Variants in ZPBP observed in about 807,000 individuals in gnomAD.
The protein encoded by ZPBP is zona pellucida-binding protein 1.
Under a neutral mutation model 44.8 loss-of-function variants are expected in ZPBP, and 26 were observed. That is an observed-to-expected ratio of 0.58 (90% CI 0.43 to 0.81). The LOEUF (loss-of-function observed/expected upper bound fraction) is 0.81, where lower values mean the gene tolerates loss of function less well. Ranked by LOEUF, ZPBP falls within the 30% of genes least tolerant of loss-of-function variation. ZPBP has a pLI of 0.00. For synonymous variants in ZPBP, 174 were observed against 153.2 expected (o/e 1.14, Z -1.00); for missense variants, 409 against 434.0 (o/e 0.94, Z 0.51).
chr7:49,954,361 T>C (rs1432463576), intron 7 of ZPBP, among the ~76,000 whole-genome samples: 1 of 152,092 alleles, frequency 6.6e-6, no homozygotes, highest in Non-Finnish European at 1.5e-5. Context: ...AAACATAAGG[T>C]TAAATCTTCA....
At chr7:49,845,118 G>T in the ZPBP span, among the ~76,000 whole-genome samples, 1 of 152,220 alleles carries the variant, frequency 6.6e-6, no homozygotes, top group South Asian at 2.1e-4. Context: ...CAACACACAC[G>T]GGGCCTGTCA....
intron 7 of ZPBP, among the ~76,000 whole-genome samples, chr7:49,977,720 C>T (rs1315255986): frequency 6.6e-6 from 1 of 152,134 alleles, no homozygotes; most frequent in Admixed American, 6.5e-5. Context: ...TATTGAGCTA[C>T]ACATTTAATC....
At chr7:49,853,130 C>T (rs541511910) in intron 2 of ZPBP, among the ~76,000 whole-genome samples, 14 of 152,352 alleles carry the variant, frequency 9.2e-5, no homozygotes, top group African/African-American at 3.4e-4. Context: ...GGCAGGGCTG[C>T]GGGCTCTGAA....
intron 6 of ZPBP, among the ~76,000 whole-genome samples, chr7:50,000,474 A>C (rs1029354766): frequency 6.6e-6 from 1 of 152,198 alleles, no homozygotes; most frequent in African/African-American, 2.4e-5. Context: ...TAAAAGTATC[A>C]AATAATATAA....
intron 5 of ZPBP, among the ~76,000 whole-genome samples, chr7:50,028,741 G>T (rs1799451723): frequency 6.6e-6 from 1 of 151,454 alleles, no homozygotes; most frequent in South Asian, 2.1e-4. Context: ...ACTTATAATA[G>T]CATCAGAAAT....
intron 4 of ZPBP, among the ~76,000 whole-genome samples, chr7:50,048,654 C>T (rs547391035): frequency 1.3e-5 from 2 of 151,612 alleles, no homozygotes; most frequent in South Asian, 4.2e-4. Context: ...GAAGACAAAA[C>T]ATGCCAAAAC....
intron 1 of ZPBP, among the ~76,000 whole-genome samples, chr7:49,908,816 T>A (rs1176586652): frequency 6.6e-6 from 1 of 152,162 alleles, no homozygotes; most frequent in Non-Finnish European, 1.5e-5. Flanking sequence ...AGTCCAGATC[T>A]CCCATTAGCC....
chr7:49,916,995 G>A (rs1793758697), intron 1 of ZPBP: 1 of 152,186 alleles, frequency 6.6e-6, no homozygotes, highest in Non-Finnish European at 1.5e-5. Flanking sequence ...TATGATAAAG[G>A]AAGTCAAGTT....
downstream of ZPBP, among the ~76,000 whole-genome samples, chr7:49,934,998 C>T (rs925433474): frequency 1.3e-5 from 2 of 152,072 alleles, no homozygotes; most frequent in African/African-American, 4.8e-5. Context: ...AAATACAAAA[C>T]ACTTGAAACT....
chr7:49,875,466 C>A (rs1306095978), intron 2 of ZPBP, among the ~76,000 whole-genome samples: 2 of 146,990 alleles, frequency 1.4e-5, no homozygotes, highest in Non-Finnish European at 3.0e-5. Context: ...AAGGTCAGTT[C>A]ACTCACAATG....
At chr7:49,926,080 T>C (rs527412677) in intron 1 of ZPBP, among the ~76,000 whole-genome samples, 1 of 152,314 alleles carries the variant, frequency 6.6e-6, no homozygotes, top group East Asian at 1.9e-4. Context: ...TGGTGCCCCA[T>C]AGTGAAGCAT....
At chr7:50,049,964 C>T (rs994133824) in intron 4 of ZPBP, among the ~76,000 whole-genome samples, 2 of 151,738 alleles carry the variant, frequency 1.3e-5, no homozygotes, top group African/African-American at 2.4e-5. Context: ...ACAAAATCAA[C>T]ACAAAATTAC....
intron 2 of ZPBP, among the ~76,000 whole-genome samples, chr7:49,890,182 T>C (rs1792070105): frequency 6.6e-6 from 1 of 152,212 alleles, no homozygotes; most frequent in African/African-American, 2.4e-5. Context: ...AATGAACAAC[T>C]GCATAAGTAG....
rs1798912884 is a variant in ZPBP, at chr7:50,018,228, C to T, written c.783+12G>A. 1.2e-6 allele frequency: 2 copies of T among 1,608,846 alleles called. No homozygotes were observed. The highest frequency in any genetic ancestry group is 8.5e-7 in the Non-Finnish European group (1 of 1,177,094). The stretch of plus-strand genomic sequence containing the variant: ...ACTTTTTTTTTCCTTTTACCAGCCT[C>T]ACATAACATACCTTAAAAAGTCTTT... On this transcript the variant is annotated intron_variant, in intron 6 of 7. Coordinates refer to ENST00000046087, the MANE Select transcript of ZPBP (RefSeq NM_007009.3).
intron 4 of ZPBP, among the ~76,000 whole-genome samples, chr7:50,035,603 C>A (rs1799793674): frequency 6.6e-6 from 1 of 151,920 alleles, no homozygotes; most frequent in Non-Finnish European, 1.5e-5. Context: ...GGAAAACAGG[C>A]AAAATATATA....
chr7:50,072,799 GACACAATTTACATCATA>G (rs1801912437), intron 3 of ZPBP, among the ~76,000 whole-genome samples: 1 of 152,216 alleles, frequency 6.6e-6, no homozygotes, highest in South Asian at 2.1e-4. Context: ...TCCTAAAACA[GACACAATTTACATCATA>G]ACATCCAAGT....
intron 3 of ZPBP, among the ~76,000 whole-genome samples, chr7:50,075,344 A>G (rs1274265687): frequency 1.3e-5 from 2 of 151,914 alleles, no homozygotes; most frequent in South Asian, 4.1e-4. Context: ...AAATAATCTA[A>G]CATTGCATCT....
At chr7:49,874,770 TGA>T (rs1332842410) in intron 2 of ZPBP, among the ~76,000 whole-genome samples, 1 of 152,306 alleles carries the variant, frequency 6.6e-6, no homozygotes, top group East Asian at 1.9e-4. Flanking sequence ...TGTGAGGTGA[TGA>T]GAGACCAGGA....
intron 2 of ZPBP, among the ~76,000 whole-genome samples, chr7:49,853,846 T>C (rs1790299373): frequency 6.6e-6 from 1 of 150,630 alleles, no homozygotes; most frequent in African/African-American, 2.4e-5. Flanking sequence ...GTATATCTCC[T>C]AATGCTATCC....
Sources: gnomAD v4.1 joint callset for allele counts (sites outside exome capture counted in the v4.1 genomes callset) on GRCh38, gnomAD v4.1.1 for gene constraint, MANE v1.5 for transcripts, NCBI Gene and HGNC (gene_info 2026-07-23, HGNC 2026-07-21) for gene names.